The following GALNTL6 variants were observed in gnomAD, a reference collection of about 807,000 sequenced individuals.
GALNTL6 encodes the protein polypeptide N-acetylgalactosaminyltransferase like 6, also known as polypeptide N-acetylgalactosaminyltransferase-like 6.
GALNTL6 carries 46 observed loss-of-function variants against 73.7 expected under a neutral mutation model. That is an observed-to-expected ratio of 0.62 (90% confidence interval 0.49 to 0.80). GALNTL6 has a LOEUF of 0.80. GALNTL6 is among the 30% of genes least tolerant of loss of function. GALNTL6 has a pLI of 0.00. For missense variants in GALNTL6, 604 were observed against 755.0 expected (o/e 0.80, Z 2.34); for synonymous variants, 259 against 263.7 (o/e 0.98, Z 0.17).
At chr4:172,804,328 A>C (rs1338381314) in intron 5 of GALNTL6, among the ~76,000 whole-genome samples, 1 of 152,206 alleles carries the variant, frequency 6.6e-6, no homozygotes, top group Non-Finnish European at 1.5e-5. Context: ...TTCAGAACTC[A>C]TAGCTAAGTA....
At chr4:171,997,747 A>C (rs1740535615) in intron 2 of GALNTL6, among the ~76,000 whole-genome samples, 2 of 152,226 alleles carry the variant, frequency 1.3e-5, no homozygotes, top group South Asian at 4.1e-4. Flanking sequence ...AACATAAAAG[A>C]CTAGGGAGAG....
chr4:172,634,497 A>G (rs1377702523), intron 5 of GALNTL6, among the ~76,000 whole-genome samples: 1 of 152,148 alleles, frequency 6.6e-6, no homozygotes, highest in Non-Finnish European at 1.5e-5. Flanking sequence ...TCCTTGGTCT[A>G]GCCCAGTTTT....
rs536032937 is a variant in GALNTL6, at chr4:172,555,309, G to T, written c.553+206620G>T. Among the ~76,000 whole-genome samples the T allele has an allele frequency of 3.9e-5, 6 of 152,190 alleles. No homozygotes were observed. In the South Asian group the frequency reaches 1.2e-3, roughly 32 times the overall value. On this transcript the variant is annotated intron_variant, in intron 5 of 12. Transcript: ENST00000506823. ...ATAAAATCTTGTATCTATACATCTG[G>T]AATATTGCTATTTGAGAACACTAAG...
intron 4 of GALNTL6, among the ~76,000 whole-genome samples, chr4:172,346,475 C>G (rs530894045): frequency 6.6e-6 from 1 of 152,208 alleles, no homozygotes; most frequent in Non-Finnish European, 1.5e-5. Context: ...TCTCTTTCTA[C>G]ATAGATCTTG....
chr4:172,763,754 T>G (rs1738247518), intron 5 of GALNTL6, among the ~76,000 whole-genome samples: 1 of 152,196 alleles, frequency 6.6e-6, no homozygotes, highest in African/African-American at 2.4e-5. Flanking sequence ...CGGCTTAGAT[T>G]TTCTACAAAG....
intron 5 of GALNTL6, among the ~76,000 whole-genome samples, chr4:172,399,643 C>G (rs939956453): frequency 5.3e-5 from 8 of 151,896 alleles, no homozygotes; most frequent in African/African-American, 1.9e-4. Flanking sequence ...TTATCTATTC[C>G]TACTTCACAT....
At chr4:171,854,952 C>G (rs1735645176) in intron 2 of GALNTL6, among the ~76,000 whole-genome samples, 1 of 152,186 alleles carries the variant, frequency 6.6e-6, no homozygotes, top group African/African-American at 2.4e-5. Context: ...TATGCTCTAG[C>G]TGAGACGACA....
At chr4:172,352,378 A>G (rs1741971936) in intron 5 of GALNTL6, among the ~76,000 whole-genome samples, 3 of 152,204 alleles carry the variant, frequency 2.0e-5, no homozygotes, top group Admixed American at 1.3e-4. Flanking sequence ...GTTTTCAACA[A>G]CCACCACTGT....
intron 5 of GALNTL6, among the ~76,000 whole-genome samples, chr4:172,807,678 C>G (rs957853714): frequency 4.6e-5 from 7 of 152,190 alleles, no homozygotes; most frequent in South Asian, 2.1e-4. Flanking sequence ...CAGGCCTACT[C>G]TGATTCCAAC....
Position 172,722,158 on chromosome 4 carries a change from G to A in GALNTL6, c.554-87203G>A, listed in dbSNP as rs1046492118. ...GTGTTAGAAATCTTTGTCTTTAATA[G>A]ATTCAACTCTCTTATGTTTTTATCA... On this transcript the variant is annotated intron_variant, in intron 5 of 12. Transcript: ENST00000506823. Among the ~76,000 whole-genome samples, 5 of 124,620 alleles carry A rather than the reference G, an allele frequency of 4.0e-5. No homozygotes were observed. The Admixed American group carries it at 4.0e-4, about 10-fold the overall frequency. The allele number at this position is 124,620 out of a possible 152,430, so 81.8% of individuals were successfully genotyped here.
intron 5 of GALNTL6, among the ~76,000 whole-genome samples, chr4:172,610,261 G>A (rs747276938): frequency 6.6e-6 from 1 of 151,512 alleles, no homozygotes; most frequent in Non-Finnish European, 1.5e-5. Flanking sequence ...GTTTATCTAG[G>A]TCCTCTAGGA....
chr4:172,538,040 G>A (rs1265879337), intron 5 of GALNTL6, among the ~76,000 whole-genome samples: 1 of 152,134 alleles, frequency 6.6e-6, no homozygotes, highest in East Asian at 1.9e-4. Context: ...CAAGGTGAGG[G>A]TTGCAGCAAT....
At chr4:172,484,585 A>C (rs1733606906) in intron 5 of GALNTL6, among the ~76,000 whole-genome samples, 1 of 152,170 alleles carries the variant, frequency 6.6e-6, no homozygotes, top group Non-Finnish European at 1.5e-5. Flanking sequence ...ACTGATGAGA[A>C]GGTGACTCAG....
chr4:172,498,726 G>A (rs911913471), intron 5 of GALNTL6, among the ~76,000 whole-genome samples: 2 of 152,112 alleles, frequency 1.3e-5, no homozygotes, highest in African/African-American at 4.8e-5. Context: ...TATATCGACT[G>A]AGCTGCATTT....
intron 5 of GALNTL6, among the ~76,000 whole-genome samples, chr4:172,572,969 T>G (rs1234955562): frequency 6.6e-6 from 1 of 152,144 alleles, no homozygotes; most frequent in Non-Finnish European, 1.5e-5. Context: ...CCCTTTGACC[T>G]TAGTAAATAT....
chr4:172,296,673 C>T (rs535181292), intron 3 of GALNTL6, among the ~76,000 whole-genome samples: 1 of 152,288 alleles, frequency 6.6e-6, no homozygotes, highest in African/African-American at 2.4e-5. Context: ...TCATCCATGT[C>T]CCTACAAAGG....
At chr4:172,013,310 C>T (rs1199072690) in intron 2 of GALNTL6, among the ~76,000 whole-genome samples, 1 of 151,986 alleles carries the variant, frequency 6.6e-6, no homozygotes, top group Non-Finnish European at 1.5e-5. Flanking sequence ...AGCTTTTGGG[C>T]AACTACCCAT....
At chr4:172,366,330 A>T (rs1053010132) in intron 5 of GALNTL6, among the ~76,000 whole-genome samples, 18 of 152,306 alleles carry the variant, frequency 1.2e-4, no homozygotes, top group African/African-American at 3.6e-4. Flanking sequence ...AAACTACAAA[A>T]GCAGTTCTGG....
At chr4:172,045,814 G>A (rs1341414173) in intron 2 of GALNTL6, among the ~76,000 whole-genome samples, 1 of 151,398 alleles carries the variant, frequency 6.6e-6, no homozygotes, top group Non-Finnish European at 1.5e-5. Context: ...CCATGTAACT[G>A]AGATATGGTA....
Sources: allele counts gnomAD v4.1 joint callset (sites outside exome capture counted in the v4.1 genomes callset), GRCh38; gene constraint gnomAD v4.1.1; transcripts MANE v1.5; gene names NCBI Gene and HGNC (gene_info 2026-07-23, HGNC 2026-07-21).